AGBL1: variants seen among roughly 807,000 people sequenced by gnomAD.
AGBL1 encodes cytosolic carboxypeptidase 4.
In AGBL1, 130 loss-of-function variants were observed where a neutral mutation model predicts 118.9. The ratio of observed to expected loss-of-function variants is 1.09; its 90% confidence interval spans 0.95 to 1.26. The LOEUF is 1.26. Ranked by LOEUF, AGBL1 falls within the 50% of genes most tolerant of loss-of-function variation. AGBL1 has a pLI of 0.00. For missense variants in AGBL1, 1,584 were observed against 1,298.1 expected (o/e 1.22, Z -3.38); for synonymous variants, 555 against 478.9 (o/e 1.16, Z -2.08).
intron 17 of AGBL1, among the ~76,000 whole-genome samples, chr15:86,298,440 A>T (rs953087588): frequency 6.7e-6 from 1 of 150,150 alleles, no homozygotes. Context: ...AAGAAAAAAA[A>T]CCCAGCCCAG....
intron 24 of AGBL1, among the ~76,000 whole-genome samples, chr15:86,998,057 T>A (rs2141754181): frequency 6.6e-6 from 1 of 152,142 alleles, no homozygotes; most frequent in East Asian, 1.9e-4. Context: ...CTGTGATGTC[T>A]TAGGAACACA....
chr15:86,368,290 T>G (rs2080921631), intron 17 of AGBL1, among the ~76,000 whole-genome samples: 1 of 151,070 alleles, frequency 6.6e-6, no homozygotes, highest in East Asian at 1.9e-4. Flanking sequence ...GGGAGAGAGA[T>G]AAACATAAAC....
intron 23 of AGBL1, among the ~76,000 whole-genome samples, chr15:86,956,468 C>G (rs2080932996): frequency 6.6e-6 from 1 of 152,088 alleles, no homozygotes; most frequent in African/African-American, 2.4e-5. Context: ...GCTGGAGATT[C>G]AAGTAAGTGT....
rs2079036752 is a variant in AGBL1, at chr15:86,827,432, C to CAT, written c.3159-79646_3159-79645dup. 5.4e-4 allele frequency among the ~76,000 whole-genome samples: 4 copies of CAT among 7,468 alleles called. 1 individual carries two copies. The highest frequency in any genetic ancestry group is 4.5e-4 in the Non-Finnish European group (2 of 4,488). 4.9% of individuals were successfully genotyped at this position (7,468 alleles called of 152,430 possible). On this transcript the variant is annotated intron_variant, in intron 22 of 22. Coordinates refer to ENST00000614907, the MANE Select transcript of AGBL1 (RefSeq NM_001386094.1). ...ATGTGTATATATATATATATATACA[C>CAT]ATATATATATGTGTGTGTATATATA...
intron 22 of AGBL1, among the ~76,000 whole-genome samples, chr15:86,834,549 G>C (rs2141422754): frequency 6.6e-6 from 1 of 152,292 alleles, no homozygotes; most frequent in East Asian, 1.9e-4. Context: ...TGTATTGTGA[G>C]AGGCTGGAAT....
chr15:86,101,737 C>T (rs1308024668), intron 1 of AGBL1, among the ~76,000 whole-genome samples: 1 of 151,172 alleles, frequency 6.6e-6, no homozygotes, highest in Admixed American at 6.6e-5. Flanking sequence ...ATTTTTCTAT[C>T]CCCTGACTTT....
At position 86,448,446 on chromosome 15, in the gene AGBL1, A is replaced by G. The variant is rs547309370; in HGVS notation, c.2555+50900A>G. On this transcript the variant is annotated intron_variant, in intron 18 of 22. Coordinates refer to ENST00000614907, the MANE Select transcript of AGBL1 (RefSeq NM_001386094.1). ...GTAGAGCCATGCGTAGTTGACTACTACAAAGAAGAGGCTACATGAATTACT... is the reference window on the plus strand; with the variant it reads ...GTAGAGCCATGCGTAGTTGACTACTGCAAAGAAGAGGCTACATGAATTACT... Among the ~76,000 whole-genome samples the G allele has an allele frequency of 1.5e-3, 223 of 152,322 alleles. 6 individuals are homozygous for G. In the South Asian group the frequency reaches 0.044, roughly 30 times the overall value.
chr15:86,393,013 T>C (rs913333064), intron 17 of AGBL1, among the ~76,000 whole-genome samples: 7 of 152,160 alleles, frequency 4.6e-5, no homozygotes, highest in East Asian at 1.9e-4. Flanking sequence ...TACAATTGAA[T>C]GGTCTTGTAA....
At chr15:86,605,140 T>C (rs772944559) in intron 21 of AGBL1, among the ~76,000 whole-genome samples, 3 of 151,748 alleles carry the variant, frequency 2.0e-5, no homozygotes, top group Admixed American at 2.0e-4. Context: ...ACATGAAGAA[T>C]ATTTTTTTTA....
chr15:86,706,812 A>G (rs1286085992), intron 22 of AGBL1, among the ~76,000 whole-genome samples: 1 of 152,138 alleles, frequency 6.6e-6, no homozygotes, highest in Non-Finnish European at 1.5e-5. Flanking sequence ...CCAAATTTAA[A>G]TCCAGGCACT....
chr15:86,430,933 G>A (rs961697425), intron 18 of AGBL1, among the ~76,000 whole-genome samples: 1 of 152,156 alleles, frequency 6.6e-6, no homozygotes, highest in Non-Finnish European at 1.5e-5. Flanking sequence ...TCTTGTGACA[G>A]TCCTATGGAA....
At chr15:86,153,604 C>T (rs1346636247) in intron 3 of AGBL1, among the ~76,000 whole-genome samples, 1 of 152,198 alleles carries the variant, frequency 6.6e-6, no homozygotes, top group African/African-American at 2.4e-5. Context: ...CACATGTATA[C>T]ATATGTAACA....
intron 24 of AGBL1, among the ~76,000 whole-genome samples, chr15:87,003,924 T>A (rs1379619031): frequency 6.7e-6 from 1 of 149,308 alleles, no homozygotes; most frequent in Non-Finnish European, 1.5e-5. Context: ...AGCTCCTGGA[T>A]TCATTGATTT....
chr15:86,195,886 G>A (rs2141840370), intron 5 of AGBL1, among the ~76,000 whole-genome samples: 1 of 152,144 alleles, frequency 6.6e-6, no homozygotes, highest in African/African-American at 2.4e-5. Flanking sequence ...ATATTTCTAA[G>A]TCTATCCAAG....
rs76245422 is a variant in AGBL1 at position 86,174,332 on chromosome 15, T to C, written c.488+15306T>C. Among the ~76,000 whole-genome samples, 211 of 152,274 alleles carry C rather than the reference T, an allele frequency of 1.4e-3. 2 individuals are homozygous for C. In the East Asian group the frequency reaches 0.015, roughly 11 times the overall value. On this transcript the variant is annotated intron_variant, in intron 5 of 22. Transcript: ENST00000614907. ...CTTTACTGAATTCAGTGATCAGTTCTAAGAGTTTTTTTGGTGTAGTCTTGG... is the reference window on the plus strand; with the variant it reads ...CTTTACTGAATTCAGTGATCAGTTCCAAGAGTTTTTTTGGTGTAGTCTTGG...
chr15:86,285,074 A>ATT (rs563256477), intron 16 of AGBL1, among the ~76,000 whole-genome samples: 200 of 152,244 alleles, frequency 1.3e-3, no homozygotes, highest in African/African-American at 4.7e-3. Flanking sequence ...ACAATATCCA[A>ATT]TTAGGCATAA....
At chr15:86,451,299 C>G in intron 18 of AGBL1, among the ~76,000 whole-genome samples, 1 of 152,034 alleles carries the variant, frequency 6.6e-6, no homozygotes, top group East Asian at 1.9e-4. Context: ...TAAATGAAGG[C>G]AGAGGGAAAG....
At position 86,727,781 on chromosome 15, in the gene AGBL1, G is replaced by A. The variant is rs74328316; in HGVS notation, c.3158+53345G>A. Among the ~76,000 whole-genome samples the A allele has an allele frequency of 6.1e-3, 934 of 152,270 alleles. 11 individuals carry two copies. Among genetic ancestry groups the A allele is most frequent in the African/African-American group, 0.021 (885 of 41,560 alleles). On this transcript the variant is annotated intron_variant, in intron 22 of 22. Coordinates refer to ENST00000614907, the MANE Select transcript of AGBL1 (RefSeq NM_001386094.1). The stretch of plus-strand genomic sequence containing the variant: ...TCAGAGAATCACTGAATGTTAAGTT[G>A]CAAAAATCCCACAAATCATTTTGTG...
intron 19 of AGBL1, among the ~76,000 whole-genome samples, chr15:86,527,291 G>A (rs374179272): frequency 6.6e-6 from 1 of 152,156 alleles, no homozygotes; most frequent in African/African-American, 2.4e-5. Context: ...ATTCCTCTCT[G>A]CTCTGACAAC....
Sources: allele counts gnomAD v4.1 joint callset (sites outside exome capture counted in the v4.1 genomes callset), GRCh38; gene constraint gnomAD v4.1.1; transcripts MANE v1.5; gene names NCBI Gene and HGNC (gene_info 2026-07-23, HGNC 2026-07-21).